Variants in CTDP1 observed in about 807,000 individuals in gnomAD.
CTDP1 encodes RNA polymerase II subunit A C-terminal domain phosphatase.
A neutral mutation model predicts 91.8 loss-of-function variants in CTDP1; 47 were observed. The ratio of observed to expected loss-of-function variants is 0.51; its 90% CI spans 0.41 to 0.65. CTDP1 has a LOEUF of 0.65. Ranked by LOEUF, CTDP1 falls within the 30% of genes least tolerant of loss-of-function variation. The pLI is 0.00. For missense variants in CTDP1, 1,272 were observed against 1,373.7 expected (o/e 0.93, Z 1.17); for synonymous variants, 656 against 598.5 (o/e 1.10, Z -1.40).
chr18:79,739,475 G>A (rs1356030255), intron 12 of CTDP1, among the ~76,000 whole-genome samples: 1 of 151,976 alleles, frequency 6.6e-6, no homozygotes, highest in Non-Finnish European at 1.5e-5. Flanking sequence ...ACGCAAGCAC[G>A]ATTAGAGAAC....
At chr18:79,724,220 C>G (rs970269359) in intron 10 of CTDP1, among the ~76,000 whole-genome samples, 2 of 152,230 alleles carry the variant, frequency 1.3e-5, no homozygotes, top group African/African-American at 4.8e-5. Flanking sequence ...AAGTGTAACA[C>G]AGATATTTCA....
chr18:79,756,419 G>C (rs1460865275), downstream of CTDP1: 1 of 152,284 alleles, frequency 6.6e-6, no homozygotes, highest in Non-Finnish European at 1.5e-5. Flanking sequence ...GCCCAGGACG[G>C]CACCTCCATG....
intron 1 of CTDP1, among the ~76,000 whole-genome samples, chr18:79,694,211 GCA>G (rs1568178048): frequency 0.012 from 1,679 of 139,192 alleles, 51 homozygotes; most frequent in African/African-American, 0.044. Context: ...CCTCATGTCT[GCA>G]GGGCAGGGTG....
chr18:79,711,733 C>T (rs114802386), intron 6 of CTDP1, among the ~76,000 whole-genome samples: 1 of 152,178 alleles, frequency 6.6e-6, no homozygotes, highest in Non-Finnish European at 1.5e-5. Flanking sequence ...TCTTCCTTTC[C>T]ATCAGCTCCA....
chr18:79,731,164 G>T (rs924959200), intron 11 of CTDP1, among the ~76,000 whole-genome samples: 1 of 152,206 alleles, frequency 6.6e-6, no homozygotes, highest in African/African-American at 2.4e-5. Context: ...ATGGGGTGGG[G>T]CTGCTGCTCG....
At chr18:79,749,397 C>T (rs1011762986) in intron 12 of CTDP1, among the ~76,000 whole-genome samples, 1 of 151,934 alleles carries the variant, frequency 6.6e-6, no homozygotes, top group African/African-American at 2.4e-5. Context: ...GTCAACCACA[C>T]CTGCCAGCAC....
intron 5 of CTDP1, among the ~76,000 whole-genome samples, chr18:79,709,258 C>G (rs761921478): frequency 6.6e-6 from 1 of 152,162 alleles, no homozygotes; most frequent in Non-Finnish European, 1.5e-5. Context: ...TTCTTGTAAA[C>G]TAACAAGAGA....
At chr18:79,697,367 G>A (rs1336390844) in intron 3 of CTDP1, among the ~76,000 whole-genome samples, 2 of 152,196 alleles carry the variant, frequency 1.3e-5, no homozygotes, top group African/African-American at 4.8e-5. Flanking sequence ...TGGGCCCCGC[G>A]TGGAGGGACA....
chr18:79,750,867 A>G (rs1169190513), intron 12 of CTDP1, among the ~76,000 whole-genome samples: 1 of 151,054 alleles, frequency 6.6e-6, no homozygotes, highest in Non-Finnish European at 1.5e-5. Context: ...GATCTCATGG[A>G]TCCAGGGGTC....
intron 2 of CTDP1, among the ~76,000 whole-genome samples, chr18:79,695,623 A>T (rs1294912199): frequency 6.6e-6 from 1 of 152,134 alleles, no homozygotes; most frequent in Non-Finnish European, 1.5e-5. Context: ...TGGGCCGCTG[A>T]GCGCCCCATG....
chr18:79,750,959 T>TAC, intron 12 of CTDP1, among the ~76,000 whole-genome samples: 1 of 77,816 alleles, frequency 1.3e-5, no homozygotes, highest in Non-Finnish European at 2.7e-5. Flanking sequence ...AGGGGCTGGG[T>TAC]ACAGAGGGCA....
At chr18:79,688,374 C>A (rs988293682) in intron 1 of CTDP1, among the ~76,000 whole-genome samples, 1 of 152,268 alleles carries the variant, frequency 6.6e-6, no homozygotes, top group South Asian at 2.1e-4. Context: ...AAGCGATTCT[C>A]CTGCCTCGGC....
intron 2 of CTDP1, 34 bp downstream of exon 2, chr18:79,695,342 T>G (rs967283054): frequency 6.2e-7 from 1 of 1,601,056 alleles, no homozygotes. Flanking sequence ...CGCTGCCTGC[T>G]GGGGCTCGAG....
At position 79,700,099 on chromosome 18, in the gene CTDP1, A is replaced by G. The variant is rs2085828093; in HGVS notation, c.621+2111A>G. On this transcript the variant is annotated intron_variant, in intron 4 of 12. Coordinates refer to ENST00000613122, the MANE Select transcript of CTDP1 (RefSeq NM_004715.5). The stretch of plus-strand genomic sequence containing the variant: ...GTCCTGACTGCTCCACCAACTGGCC[A>G]TTCCCTGTCTCTGTCCCGGTGCTCA... Among the ~76,000 whole-genome samples, 3 of 152,204 alleles carry G rather than the reference A, an allele frequency of 2.0e-5. No homozygotes were observed. In the South Asian group the frequency reaches 6.2e-4, roughly 31 times the overall value.
In CTDP1 at chr18:79,715,101, C is replaced by G. The variant is rs2086175927; in HGVS notation, c.1641C>G (p.Gly547=). 1 of 1,613,212 alleles carries G rather than the reference C, an allele frequency of 6.2e-7. No individual in the cohort carries two copies. Among genetic ancestry groups the G allele is most frequent in the Non-Finnish European group, 8.5e-7 (1 of 1,179,884 alleles). ...ATGGCCTCTGCGGCCTGGGCAACGG[C>G]TGTGCCGACAGGAAGGAGGCGGAGA... ...ERDGLCGLGN[G]CADRKEAETE... is the part of the protein sequence containing the mutation. Residue 547 remains glycine, a synonymous_variant, in exon 8 of 13, where the codon GGC becomes GGG. Coordinates refer to ENST00000613122, the MANE Select transcript of CTDP1 (RefSeq NM_004715.5).
chr18:79,695,350 G>C (rs371421948), intron 2 of CTDP1, 42 bp downstream of exon 2: 3 of 1,581,806 alleles, frequency 1.9e-6, no homozygotes, highest in Admixed American at 1.7e-5. Context: ...GCTGGGGCTC[G>C]AGGTGGTGGC....
chr18:79,716,792 G>A (rs999875587), intron 8 of CTDP1, among the ~76,000 whole-genome samples: 1 of 152,224 alleles, frequency 6.6e-6, no homozygotes, highest in African/African-American at 2.4e-5. Flanking sequence ...TTTTGCTTCT[G>A]TGTACGTGGC....
chr18:79,709,424 C>T (rs1468732107), intron 5 of CTDP1, among the ~76,000 whole-genome samples: 4 of 152,246 alleles, frequency 2.6e-5, no homozygotes, highest in African/African-American at 9.6e-5. Context: ...CAAGAAACCT[C>T]TGCCTGATTT....
chr18:79,753,946 T>C lies in CTDP1; in HGVS notation c.*156T>C. ...ACAGAAACACATTATTTTGCAGAAA[T>C]AGGTGTTTTTAAGAAGTTTTACTAC... On this transcript the variant is annotated 3_prime_UTR_variant, in exon 13 of 13. Transcript: ENST00000613122. The C allele has an allele frequency of 1.9e-6, 2 of 1,069,370 alleles. No individual in the cohort carries two copies. The highest frequency in any genetic ancestry group is 1.6e-5 in the South Asian group (1 of 63,744). 66.2% of individuals were successfully genotyped at this position (1,069,370 alleles called of 1,614,324 possible).
Sources: gnomAD v4.1 joint callset for allele counts (sites outside exome capture counted in the v4.1 genomes callset) on GRCh38, gnomAD v4.1.1 for gene constraint, MANE v1.5 for transcripts, NCBI Gene and HGNC (gene_info 2026-07-23, HGNC 2026-07-21) for gene names.